ARHGAP26: variants seen among roughly 807,000 people sequenced by gnomAD.
The protein encoded by ARHGAP26 is Rho GTPase activating protein 26, also known as rho GTPase-activating protein 26.
Under a neutral mutation model 104.8 loss-of-function variants are expected in ARHGAP26, and 38 were observed. That is an observed-to-expected ratio of 0.36 (90% CI 0.28 to 0.48). The LOEUF (loss-of-function observed/expected upper bound fraction) is 0.48. ARHGAP26 is among the 20% of genes least tolerant of loss of function. The pLI, the probability that ARHGAP26 is intolerant of heterozygous loss-of-function variation, is 0.99. For synonymous variants in ARHGAP26, 341 were observed against 340.0 expected (o/e 1.00, Z -0.03); for missense variants, 704 against 947.9 (o/e 0.74, Z 3.38).
chr5:143,223,615 G>A lies in ARHGAP26; in HGVS notation c.*1169G>A. 1 of 231,926 alleles carries A rather than the reference G, an allele frequency of 4.3e-6. No homozygotes were observed. Among genetic ancestry groups the A allele is most frequent in the East Asian group, 6.1e-5 (1 of 16,364 alleles). 14.4% of individuals were successfully genotyped at this position (231,926 alleles called of 1,614,324 possible). ...CTACTCTGGGCTGCTGAACACTGGT[G>A]CTGTGGTGGTTTTCAAGGTTAATTC... On this transcript the variant is annotated 3_prime_UTR_variant, in exon 23 of 23. Transcript: ENST00000645722.
intron 11 of ARHGAP26, among the ~76,000 whole-genome samples, chr5:143,006,114 A>C (rs1219373479): frequency 6.6e-6 from 1 of 152,206 alleles, no homozygotes; most frequent in East Asian, 1.9e-4. Flanking sequence ...GAGTTAAGCC[A>C]AATAAGATAA....
chr5:142,858,905 G>A (rs919409015), intron 1 of ARHGAP26, among the ~76,000 whole-genome samples: 2 of 152,222 alleles, frequency 1.3e-5, no homozygotes, highest in Non-Finnish European at 2.9e-5. Context: ...AGACAGGGGA[G>A]TGTTTCAGAA....
Position 142,770,851 on chromosome 5 carries a change from C to G in ARHGAP26, c.90C>G (p.Asp30Glu), listed in dbSNP as rs769376651. 2.5e-6 allele frequency: 4 copies of G among 1,612,142 alleles called. No homozygotes were observed. Among genetic ancestry groups the G allele is most frequent in the South Asian group, 1.1e-5 (1 of 90,936 alleles). Residue 30 changes from aspartate to glutamate, a missense_variant, in exon 1 of 23, where the codon GAC becomes GAG. By Grantham distance (45) the Asp-to-Glu change is conservative. Coordinates refer to ENST00000645722, the MANE Select transcript of ARHGAP26 (RefSeq NM_001135608.3). ...TCAAGTCGCACGAAGCAGAGCTGGA[C>G]AAGACCAACAAATTCATCAAGGAGC... ...ETLKSHEAEL[D>E]KTNKFIKELI...
At chr5:142,784,354 T>A (rs1182977511) in intron 1 of ARHGAP26, among the ~76,000 whole-genome samples, 1 of 152,198 alleles carries the variant, frequency 6.6e-6, no homozygotes, top group Non-Finnish European at 1.5e-5. Context: ...CCTGGCCAGC[T>A]TAACTTCATA....
chr5:142,978,724 T>C (rs941133507), intron 11 of ARHGAP26, among the ~76,000 whole-genome samples: 1 of 151,542 alleles, frequency 6.6e-6, no homozygotes, highest in African/African-American at 2.4e-5. Context: ...ATCCTGGAGC[T>C]TTATGTCAAG....
chr5:143,181,926 C>A (rs928934385), intron 20 of ARHGAP26, among the ~76,000 whole-genome samples: 1 of 152,184 alleles, frequency 6.6e-6, no homozygotes, highest in African/African-American at 2.4e-5. Flanking sequence ...CCATTGTTTA[C>A]CTGACTTAAC....
At chr5:143,134,164 C>A in intron 19 of ARHGAP26, 59 bp downstream of exon 19, 1 of 1,542,496 alleles carries the variant, frequency 6.5e-7, no homozygotes, top group Non-Finnish European at 8.8e-7. Context: ...GCTACCTGCA[C>A]GGCTCAGGGT....
intron 1 of ARHGAP26, among the ~76,000 whole-genome samples, chr5:142,856,262 A>T (rs1752338040): frequency 6.6e-6 from 1 of 152,188 alleles, no homozygotes. Context: ...ACACCTTGAA[A>T]GAGGTTCCTG....
intron 22 of ARHGAP26, among the ~76,000 whole-genome samples, chr5:143,215,081 G>A (rs1342658188): frequency 6.6e-6 from 1 of 152,212 alleles, no homozygotes; most frequent in Non-Finnish European, 1.5e-5. Context: ...CCCCACACAG[G>A]CCCAGGCGGC....
intron 20 of ARHGAP26, among the ~76,000 whole-genome samples, chr5:143,196,727 G>T (rs1806893022): frequency 6.6e-6 from 1 of 152,132 alleles, no homozygotes; most frequent in African/African-American, 2.4e-5. Context: ...TGAAAATGTG[G>T]TACTAGGTAG....
At chr5:142,814,813 CA>C (rs1399185016) in intron 1 of ARHGAP26, among the ~76,000 whole-genome samples, 1 of 152,166 alleles carries the variant, frequency 6.6e-6, no homozygotes, top group Non-Finnish European at 1.5e-5. Context: ...TGGTACTTAC[CA>C]CACTGGTTGT....
At chr5:142,835,301 T>G (rs1176321242) in intron 1 of ARHGAP26, among the ~76,000 whole-genome samples, 1 of 152,236 alleles carries the variant, frequency 6.6e-6, no homozygotes, top group East Asian at 1.9e-4. Flanking sequence ...CCATCAGAGA[T>G]AGAATTTATG....
At chr5:143,079,030 G>A (rs1169190731) in intron 17 of ARHGAP26, among the ~76,000 whole-genome samples, 1 of 152,248 alleles carries the variant, frequency 6.6e-6, no homozygotes, top group African/African-American at 2.4e-5. Flanking sequence ...TGTGGGAAAA[G>A]TGCTAGGATT....
At chr5:142,875,667 T>G (rs1755981533) in intron 3 of ARHGAP26, among the ~76,000 whole-genome samples, 1 of 152,198 alleles carries the variant, frequency 6.6e-6, no homozygotes, top group African/African-American at 2.4e-5. Context: ...AAAAAGCTCT[T>G]CAGAGAGGCA....
chr5:143,049,705 A>C (rs536893006), intron 14 of ARHGAP26, among the ~76,000 whole-genome samples: 1 of 152,076 alleles, frequency 6.6e-6, no homozygotes, highest in East Asian at 1.9e-4. Flanking sequence ...ATCTTACCTG[A>C]TGATTGGAGG....
intron 1 of ARHGAP26, among the ~76,000 whole-genome samples, chr5:142,858,061 CTGTGTGTGTGTG>C (rs746146391): frequency 5.6e-4 from 75 of 134,408 alleles, no homozygotes; most frequent in Non-Finnish European, 8.9e-4. Flanking sequence ...GAGAGAGAAT[CTGTGTGTGTGTG>C]TGTGTGTGTG....
At chr5:143,118,802 G>C (rs113348018) in intron 17 of ARHGAP26, among the ~76,000 whole-genome samples, 6 of 151,928 alleles carry the variant, frequency 3.9e-5, no homozygotes, top group Admixed American at 1.3e-4. Flanking sequence ...GGTGGGGAGA[G>C]GGGGGAGGGA....
At chr5:143,027,176 T>G (rs1475292157) in intron 12 of ARHGAP26, among the ~76,000 whole-genome samples, 2 of 41,560 alleles carry the variant, frequency 4.8e-5, no homozygotes, top group East Asian at 7.7e-4. Flanking sequence ...ATTTTTTGTG[T>G]TTTTTTTTTT....
At position 142,977,298 on chromosome 5, in the gene ARHGAP26, C is replaced by T. The variant is rs533096590; in HGVS notation, c.1108-36782C>T. ...GTAACACCTCAACCCGCGGTTCTTC[C>T]TTGAGATTATGGTTCCTTTTATTTC... is the stretch of plus-strand genomic sequence containing the variant. On this transcript the variant is annotated intron_variant, in intron 11 of 22. Coordinates refer to ENST00000645722, the MANE Select transcript of ARHGAP26 (RefSeq NM_001135608.3). Among the ~76,000 whole-genome samples the T allele has an allele frequency of 7.8e-4, 119 of 152,084 alleles. 1 individual carries two copies. The highest frequency in any genetic ancestry group is 1.4e-3 in the Non-Finnish European group (92 of 68,012).
Sources: gnomAD v4.1 joint callset for allele counts (sites outside exome capture counted in the v4.1 genomes callset) on GRCh38, gnomAD v4.1.1 for gene constraint, MANE v1.5 for transcripts, NCBI Gene and HGNC (gene_info 2026-07-23, HGNC 2026-07-21) for gene names.